The following ROPN1L variants were observed in gnomAD, a reference collection of about 807,000 sequenced individuals.
ROPN1L encodes rhophilin associated tail protein 1 like.
ROPN1L carries 23 observed loss-of-function variants against 22.7 expected under a neutral mutation model. The observed-to-expected ratio is 1.01, with a 90% confidence interval of 0.73 to 1.43. The LOEUF is 1.43. Ranked by LOEUF, ROPN1L falls within the 40% of genes most tolerant of loss-of-function variation. ROPN1L has a pLI of 0.00. For synonymous variants in ROPN1L, 116 were observed against 117.8 expected (o/e 0.98, Z 0.10); for missense variants, 271 against 291.5 (o/e 0.93, Z 0.51).
Position 10,451,891 on chromosome 5 carries a change from C to T in ROPN1L, c.417+1778C>T, listed in dbSNP as rs146374955. On this transcript the variant is annotated intron_variant, in intron 3 of 4. Coordinates refer to ENST00000274134, the MANE Select transcript of ROPN1L (RefSeq NM_031916.5). ...GGCAAATACTTTTAATTATTGGAGACATTTTTATGTCACTTTGTTAATCTG... is the reference window on the plus strand; with the variant it reads ...GGCAAATACTTTTAATTATTGGAGATATTTTTATGTCACTTTGTTAATCTG... 3.3e-5 allele frequency among the ~76,000 whole-genome samples: 5 copies of T among 151,862 alleles called. No homozygotes were observed. In the East Asian group the frequency reaches 7.8e-4, roughly 24 times the overall value.
At chr5:10,458,899 C>A in intron 3 of ROPN1L, among the ~76,000 whole-genome samples, 1 of 73,506 alleles carries the variant, frequency 1.4e-5, no homozygotes, top group Admixed American at 1.3e-4. Flanking sequence ...CTCGTGTACA[C>A]CATCCGCCTG....
intron 2 of ROPN1L, among the ~76,000 whole-genome samples, chr5:10,449,388 G>A (rs1254875929): frequency 6.6e-6 from 1 of 151,976 alleles, no homozygotes; most frequent in Non-Finnish European, 1.5e-5. Flanking sequence ...GCGTGGTGGT[G>A]CGCACCTGTA....
chr5:10,455,105 C>T (rs920080691), intron 3 of ROPN1L, among the ~76,000 whole-genome samples: 1 of 152,228 alleles, frequency 6.6e-6, no homozygotes, highest in South Asian at 2.1e-4. Context: ...CCTGACAACA[C>T]ACACTTTGGA....
At chr5:10,472,132 G>C (rs564221252), downstream of ROPN1L, 1 of 152,220 alleles carries the variant, frequency 6.6e-6, no homozygotes, top group African/African-American at 2.4e-5. Context: ...AGGAGAAGTT[G>C]GGAGGAAGGC....
chr5:10,475,126 C>T (rs779260179), downstream of ROPN1L, among the ~76,000 whole-genome samples: 9 of 152,160 alleles, frequency 5.9e-5, no homozygotes, highest in East Asian at 1.9e-4. Context: ...TTTCCAGGGA[C>T]GCCTTTCCCT....
intron 4 of ROPN1L, among the ~76,000 whole-genome samples, chr5:10,462,396 A>G (rs138530571): frequency 1.5e-3 from 230 of 152,334 alleles, no homozygotes; most frequent in African/African-American, 5.3e-3. Flanking sequence ...GGAGCCGCAG[A>G]TCAAAGGCCA....
chr5:10,474,735 C>T (rs1286138406), downstream of ROPN1L, among the ~76,000 whole-genome samples: 2 of 152,188 alleles, frequency 1.3e-5, no homozygotes, highest in Admixed American at 6.5e-5. Flanking sequence ...GCTAAGTTTA[C>T]GATACTTTGT....
At chr5:10,452,668 G>A (rs541844769) in intron 3 of ROPN1L, among the ~76,000 whole-genome samples, 8 of 152,106 alleles carry the variant, frequency 5.3e-5, no homozygotes, top group Non-Finnish European at 8.8e-5. Flanking sequence ...ATATAAAATT[G>A]TATGCAATGT....
At chr5:10,476,067 G>C (rs1420388987), downstream of ROPN1L, among the ~76,000 whole-genome samples, 1 of 152,250 alleles carries the variant, frequency 6.6e-6, no homozygotes, top group Non-Finnish European at 1.5e-5. Context: ...TAGGAGTGGT[G>C]TCTATTACCT....
intron 3 of ROPN1L, among the ~76,000 whole-genome samples, chr5:10,451,994 A>G (rs1433181724): frequency 8.1e-6 from 1 of 123,032 alleles, no homozygotes; most frequent in African/African-American, 2.9e-5. Flanking sequence ...GTATCTAGCT[A>G]TATGTTTTTT....
At chr5:10,444,693 G>A (rs1405982060) in intron 1 of ROPN1L, among the ~76,000 whole-genome samples, 2 of 148,894 alleles carry the variant, frequency 1.3e-5, no homozygotes, top group African/African-American at 4.9e-5. Context: ...GAGGTCAGGA[G>A]TTCGAGACCA....
At chr5:10,458,083 T>G (rs1734885842) in intron 3 of ROPN1L, among the ~76,000 whole-genome samples, 1 of 151,984 alleles carries the variant, frequency 6.6e-6, no homozygotes, top group Non-Finnish European at 1.5e-5. Context: ...CAAGGTGAAG[T>G]CCTCCAGCTC....
chr5:10,450,560 G>A (rs560173221), intron 3 of ROPN1L, among the ~76,000 whole-genome samples: 21 of 152,134 alleles, frequency 1.4e-4, no homozygotes, highest in African/African-American at 4.3e-4. Flanking sequence ...GTACAATGGC[G>A]CAATCTCGGC....
Position 10,448,288 on chromosome 5 carries a change from C to A in ROPN1L, c.160C>A (p.Pro54Thr). 6.2e-7 allele frequency: 1 copy of A among 1,614,144 alleles called. No individual in the cohort carries two copies. The highest frequency in any genetic ancestry group is 8.5e-7 in the Non-Finnish European group (1 of 1,179,990). ...GYFSALSRGDPLPVKDRMEMP... is the reference protein window; with the variant it reads ...GYFSALSRGDTLPVKDRMEMP... ...TTTTTCAGCTCTGTCGAGAGGAGAT[C>A]CACTTCCTGTAAAGGACAGAATGGA... The change falls in exon 2 of 5, where the codon CCA becomes ACA. Residue 54 changes from proline to threonine, a missense_variant. Pro to Thr is a conservative substitution (Grantham distance 38, BLOSUM62 -1). Coordinates refer to ENST00000274134, the MANE Select transcript of ROPN1L (RefSeq NM_031916.5).
chr5:10,469,665 A>G (rs1336305682), downstream of ROPN1L, among the ~76,000 whole-genome samples: 2 of 152,198 alleles, frequency 1.3e-5, no homozygotes, highest in African/African-American at 4.8e-5. Context: ...TCCCATTGAA[A>G]TATGTGTCTT....
chr5:10,443,198 T>TA (rs1250889367), intron 1 of ROPN1L, among the ~76,000 whole-genome samples: 1 of 151,814 alleles, frequency 6.6e-6, no homozygotes, highest in African/African-American at 2.4e-5. Context: ...GTATTTTTTT[T>TA]AATAAGAAAA....
Position 10,450,008 on chromosome 5 carries a change from G to T in ROPN1L, c.312G>T (p.Leu104Phe), listed in dbSNP as rs766373994. Residue 104 changes from leucine to phenylalanine, a missense_variant, in exon 3 of 5, where the codon TTG (leucine) becomes TTT (phenylalanine). By Grantham distance (22) the Leu-to-Phe change is conservative. Transcript: ENST00000274134. ...ATCTTGAGCAGAAGTGGAAGAACTT[G>T]TGCCTGCCGAAGGAAAAATTCAAAG... ...LTDLEQKWKN[L>F]CLPKEKFKAL... 2 of 1,613,708 alleles carry T rather than the reference G, an allele frequency of 1.2e-6. No individual in the cohort carries two copies. Among genetic ancestry groups the T allele is most frequent in the Admixed American group, 3.3e-5 (2 of 59,974 alleles).
downstream of ROPN1L, among the ~76,000 whole-genome samples, chr5:10,475,007 G>A (rs1337759570): frequency 6.6e-6 from 1 of 152,230 alleles, no homozygotes; most frequent in Non-Finnish European, 1.5e-5. Flanking sequence ...ACATAAATGT[G>A]TTCCAGATGG....
intron 2 of ROPN1L, among the ~76,000 whole-genome samples, chr5:10,448,690 C>T (rs1456304033): frequency 6.6e-6 from 1 of 152,216 alleles, no homozygotes; most frequent in African/African-American, 2.4e-5. Context: ...CTGGGCAAAA[C>T]ATACAAAATT....
Sources: allele counts gnomAD v4.1 joint callset (sites outside exome capture counted in the v4.1 genomes callset), GRCh38; gene constraint gnomAD v4.1.1; transcripts MANE v1.5; gene names NCBI Gene and HGNC (gene_info 2026-07-23, HGNC 2026-07-21).